Variants in CSMD1 observed in about 807,000 individuals in gnomAD.
CSMD1 encodes CUB and Sushi multiple domains 1.
CSMD1 carries 213 observed loss-of-function variants against 417.5 expected under a neutral mutation model. That is an observed-to-expected ratio of 0.51 (90% CI 0.46 to 0.57). CSMD1 has a LOEUF of 0.57. Ranked by LOEUF, CSMD1 falls within the 20% of genes least tolerant of loss-of-function variation. The pLI is 0.00. For missense variants in CSMD1, 6,923 were observed against 4,529.7 expected (o/e 1.53, Z -15.17); for synonymous variants, 2,862 against 1,736.8 (o/e 1.65, Z -16.11).
At chr8:4,043,091 C>T (rs1002701313) in intron 3 of CSMD1, among the ~76,000 whole-genome samples, 1 of 151,982 alleles carries the variant, frequency 6.6e-6, no homozygotes, top group Non-Finnish European at 1.5e-5. Context: ...GAAATTGCAC[C>T]ACTGCACTTC....
chr8:3,741,544 T>C (rs1179955091), intron 6 of CSMD1, among the ~76,000 whole-genome samples: 1 of 152,252 alleles, frequency 6.6e-6, no homozygotes, highest in Non-Finnish European at 1.5e-5. Flanking sequence ...CATTTATTTC[T>C]ATCCATTTAT....
chr8:3,399,248 G>T, intron 16 of CSMD1, 143 bp downstream of exon 16: 3 of 668,340 alleles, frequency 4.5e-6, no homozygotes, highest in Admixed American at 6.0e-5. Flanking sequence ...AAACTTACAA[G>T]TAAGTGCCTG....
chr8:4,469,807 G>T (rs911160895), intron 2 of CSMD1, among the ~76,000 whole-genome samples: 1 of 151,984 alleles, frequency 6.6e-6, no homozygotes, highest in Non-Finnish European at 1.5e-5. Context: ...GCCTTCTCAC[G>T]GAGGGAACCC....
At chr8:3,672,505 T>A (rs369887270) in intron 7 of CSMD1, among the ~76,000 whole-genome samples, 1 of 152,072 alleles carries the variant, frequency 6.6e-6, no homozygotes, top group African/African-American at 2.4e-5. Flanking sequence ...TTTAAATATT[T>A]AGATTATATA....
chr8:4,811,817 G>A (rs575302555), intron 1 of CSMD1, among the ~76,000 whole-genome samples: 1 of 152,132 alleles, frequency 6.6e-6, no homozygotes, highest in African/African-American at 2.4e-5. Flanking sequence ...ATAGACATAG[G>A]AAAAGATGTG....
At chr8:3,438,526 T>G (rs1165048196) in intron 12 of CSMD1, among the ~76,000 whole-genome samples, 1 of 152,200 alleles carries the variant, frequency 6.6e-6, no homozygotes. Context: ...ATTGACTTTT[T>G]TGGTCAGCAC....
Position 3,037,258 on chromosome 8 carries a change from T to G in CSMD1, c.7661-7745A>C, listed in dbSNP as rs992355631. 2.7e-5 allele frequency among the ~76,000 whole-genome samples: 4 copies of G among 149,052 alleles called. No individual in the cohort carries two copies. The South Asian group carries it at 6.3e-4, about 23-fold the overall frequency. ...TCTCGCTCTGTGGCCCAGGCTGGAG[T>G]GCAGTGGCGGGATCTCGGCTCACTG... On this transcript the variant is annotated intron_variant, in intron 50 of 69. Coordinates refer to ENST00000635120, the MANE Select transcript of CSMD1 (RefSeq NM_033225.6).
intron 3 of CSMD1, among the ~76,000 whole-genome samples, chr8:4,046,190 G>C (rs763823001): frequency 1.3e-5 from 2 of 151,976 alleles, no homozygotes; most frequent in Non-Finnish European, 2.9e-5. Context: ...GTATGTGTGC[G>C]TGTGTGTGTA....
chr8:3,489,344 A>G (rs1818235653), intron 11 of CSMD1, among the ~76,000 whole-genome samples: 1 of 152,174 alleles, frequency 6.6e-6, no homozygotes, highest in Non-Finnish European at 1.5e-5. Flanking sequence ...AATATTGACT[A>G]TTCATTCTCA....
At chr8:4,778,944 T>C (rs1797011257) in intron 1 of CSMD1, among the ~76,000 whole-genome samples, 1 of 152,354 alleles carries the variant, frequency 6.6e-6, no homozygotes, top group African/African-American at 2.4e-5. Flanking sequence ...CTGTGGGTTT[T>C]AAATAGCCAT....
At chr8:4,837,155 G>C (rs1211571964) in intron 1 of CSMD1, among the ~76,000 whole-genome samples, 1 of 152,046 alleles carries the variant, frequency 6.6e-6, no homozygotes, top group South Asian at 2.1e-4. Context: ...AAATTGAAAA[G>C]ACACTAACAC....
intron 5 of CSMD1, among the ~76,000 whole-genome samples, chr8:3,820,523 T>C (rs971618516): frequency 6.6e-6 from 1 of 152,190 alleles, no homozygotes. Context: ...TGACATCTCC[T>C]ATGGTAACAA....
At chr8:4,573,823 G>C (rs979123698) in intron 2 of CSMD1, among the ~76,000 whole-genome samples, 2 of 152,186 alleles carry the variant, frequency 1.3e-5, no homozygotes, top group South Asian at 2.1e-4. Context: ...GACCTGCCTA[G>C]GGAGGAGGAA....
At chr8:4,346,412 G>C (rs894448101) in intron 3 of CSMD1, among the ~76,000 whole-genome samples, 3 of 152,126 alleles carry the variant, frequency 2.0e-5, no homozygotes, top group Non-Finnish European at 4.4e-5. Context: ...AGTTACATCA[G>C]GGAGTATGAC....
intron 6 of CSMD1, among the ~76,000 whole-genome samples, chr8:3,711,101 A>G (rs964229744): frequency 6.6e-6 from 1 of 152,208 alleles, no homozygotes; most frequent in Non-Finnish European, 1.5e-5. Context: ...TCCTATAGCA[A>G]TATTTTCCCC....
At chr8:4,151,758 C>T (rs1796582708) in intron 3 of CSMD1, among the ~76,000 whole-genome samples, 1 of 152,122 alleles carries the variant, frequency 6.6e-6, no homozygotes, top group Non-Finnish European at 1.5e-5. Flanking sequence ...GTAGCTTTTT[C>T]CTAGTGCCAC....
chr8:4,841,930 A>AAAAAAAAAACAAAAC (rs1192383183), intron 1 of CSMD1, among the ~76,000 whole-genome samples: 5,935 of 122,054 alleles, frequency 0.049, 341 homozygotes, highest in African/African-American at 0.088. Context: ...AAAAAAAAAA[A>AAAAAAAAAACAAAAC]AAAAAAAAGT....
intron 1 of CSMD1, among the ~76,000 whole-genome samples, chr8:4,737,897 A>C (rs1169871521): frequency 2.6e-5 from 4 of 152,218 alleles, no homozygotes; most frequent in Admixed American, 2.0e-4. Flanking sequence ...TAATAAGGAA[A>C]TTGATAGCAA....
At chr8:3,560,070 T>C (rs138144808) in intron 10 of CSMD1, among the ~76,000 whole-genome samples, 1 of 152,078 alleles carries the variant, frequency 6.6e-6, no homozygotes, top group African/African-American at 2.4e-5. Context: ...TTTTTCTGGA[T>C]CTGTTCACTA....
Sources: allele counts gnomAD v4.1 joint callset (sites outside exome capture counted in the v4.1 genomes callset), GRCh38; gene constraint gnomAD v4.1.1; transcripts MANE v1.5; gene names NCBI Gene and HGNC (gene_info 2026-07-23, HGNC 2026-07-21).